CNBD1: variants seen among roughly 807,000 people sequenced by gnomAD.
The protein encoded by CNBD1 is cyclic nucleotide binding domain containing 1.
CNBD1 carries 71 observed loss-of-function variants against 54.4 expected under a neutral mutation model. That is an observed-to-expected ratio of 1.30 (90% CI 1.08 to 1.59). The LOEUF is 1.59. CNBD1 is among the 40% of genes most tolerant of loss of function. CNBD1 has a pLI of 0.00. For missense variants in CNBD1, 659 were observed against 518.0 expected (o/e 1.27, Z -2.64); for synonymous variants, 182 against 170.7 (o/e 1.07, Z -0.51).
chr8:87,252,214 G>A (rs937530879), intron 6 of CNBD1, among the ~76,000 whole-genome samples: 1 of 152,018 alleles, frequency 6.6e-6, no homozygotes, highest in Non-Finnish European at 1.5e-5. Context: ...AAAAGGAAAA[G>A]GCTTTTCCAT....
Position 87,021,192 on chromosome 8 carries a change from T to C in CNBD1, c.431+81438T>C, listed in dbSNP as rs144783068. On this transcript the variant is annotated intron_variant, in intron 4 of 10. Transcript: ENST00000518476. ...TCAAGACCTCCTGACGGCTATGTCA[T>C]GGGCCATGGTCACTCATATTTGGTT... Among the ~76,000 whole-genome samples the C allele has an allele frequency of 9.1e-3, 1,388 of 152,336 alleles. 21 individuals are homozygous for C. The highest frequency in any genetic ancestry group is 0.03 in the African/African-American group (1,247 of 41,574).
chr8:87,341,484 T>A (rs1307607372), intron 8 of CNBD1, among the ~76,000 whole-genome samples: 1 of 152,218 alleles, frequency 6.6e-6, no homozygotes, highest in Non-Finnish European at 1.5e-5. Context: ...AAGAGGGTAG[T>A]GTAAACTCTT....
At chr8:87,404,927 A>T (rs1277648080) in intron 2 of CNBD1, among the ~76,000 whole-genome samples, 1 of 152,072 alleles carries the variant, frequency 6.6e-6, no homozygotes, top group Non-Finnish European at 1.5e-5. Flanking sequence ...GTATGTACGT[A>T]TCTAGGCCTC....
intron 2 of CNBD1, among the ~76,000 whole-genome samples, chr8:87,396,002 C>G: frequency 6.6e-6 from 1 of 151,886 alleles, no homozygotes. Flanking sequence ...CCTCCCAGCC[C>G]TGAAGAACTG....
At chr8:87,352,980 T>C (rs907116365) in intron 9 of CNBD1, among the ~76,000 whole-genome samples, 4 of 152,146 alleles carry the variant, frequency 2.6e-5, no homozygotes, top group Admixed American at 6.6e-5. Flanking sequence ...CTTTTATATA[T>C]CTTAGTGGTC....
intron 8 of CNBD1, among the ~76,000 whole-genome samples, chr8:87,335,909 A>G (rs534586519): frequency 6.6e-6 from 1 of 152,262 alleles, no homozygotes; most frequent in East Asian, 1.9e-4. Flanking sequence ...GGTGGTGATG[A>G]ATTCCCTCAG....
chr8:86,940,387 G>A (rs1320492416), intron 4 of CNBD1, among the ~76,000 whole-genome samples: 2 of 152,164 alleles, frequency 1.3e-5, no homozygotes, highest in South Asian at 2.1e-4. Context: ...GGGTGGTCTC[G>A]AACTCCTGAC....
At position 87,390,835 on chromosome 8, in the gene CNBD1, C is replaced by A. The variant is rs183660413; in HGVS notation, c.213+37049C>A. ...TATTCACAATAGCAAAGACTTGGAACCAACCCAAATGTCCAACAATGATAG... is the reference window on the plus strand; with the variant it reads ...TATTCACAATAGCAAAGACTTGGAAACAACCCAAATGTCCAACAATGATAG... On this transcript the variant is annotated intron_variant, in intron 2 of 7. Transcript: ENST00000521593. Among the ~76,000 whole-genome samples, 459 of 152,210 alleles carry A rather than the reference C, an allele frequency of 3.0e-3. 5 individuals are homozygous for A. Among genetic ancestry groups the A allele is most frequent in the African/African-American group, 9.9e-3 (412 of 41,512 alleles).
intron 4 of CNBD1, among the ~76,000 whole-genome samples, chr8:86,945,325 C>T (rs753608926): frequency 3.3e-5 from 5 of 152,118 alleles, no homozygotes; most frequent in Admixed American, 1.3e-4. Flanking sequence ...AATGAGGCAT[C>T]TGAAGATCAT....
chr8:86,957,823 A>G (rs966439195), intron 4 of CNBD1, among the ~76,000 whole-genome samples: 2 of 151,792 alleles, frequency 1.3e-5, no homozygotes, highest in South Asian at 2.1e-4. Context: ...TTGTGTCTCT[A>G]TCTCCTTCAG....
At chr8:87,313,726 G>T (rs561255673) in intron 8 of CNBD1, among the ~76,000 whole-genome samples, 1 of 151,580 alleles carries the variant, frequency 6.6e-6, no homozygotes, top group South Asian at 2.1e-4. Flanking sequence ...GAAATATGCA[G>T]CCTTTTACAA....
intron 4 of CNBD1, among the ~76,000 whole-genome samples, chr8:87,133,685 C>G (rs944186452): frequency 3.4e-5 from 5 of 146,286 alleles, no homozygotes; most frequent in African/African-American, 1.0e-4. Flanking sequence ...GTTATACAAC[C>G]TCTTTTAAAG....
At chr8:87,400,902 T>A (rs768427219) in intron 2 of CNBD1, among the ~76,000 whole-genome samples, 10 of 152,022 alleles carry the variant, frequency 6.6e-5, no homozygotes, top group Non-Finnish European at 1.5e-4. Flanking sequence ...TCTTATTTAA[T>A]TAATTTATCT....
At chr8:87,317,814 T>C (rs1200444143) in intron 8 of CNBD1, among the ~76,000 whole-genome samples, 1 of 152,032 alleles carries the variant, frequency 6.6e-6, no homozygotes, top group Non-Finnish European at 1.5e-5. Flanking sequence ...CTGAGTACAC[T>C]CTAAATACAT....
At chr8:87,325,242 A>G in intron 8 of CNBD1, among the ~76,000 whole-genome samples, 1 of 95,176 alleles carries the variant, frequency 1.1e-5, no homozygotes, top group Non-Finnish European at 2.1e-5. Context: ...CAATTTTGGA[A>G]TAGGTGTGGT....
At position 87,342,813 on chromosome 8, in the gene CNBD1, A is replaced by G. The variant is rs571148310; in HGVS notation, c.1043-8872A>G. Among the ~76,000 whole-genome samples the G allele has an allele frequency of 5.9e-4, 90 of 152,252 alleles. 1 individual carries two copies. The highest frequency in any genetic ancestry group is 2.1e-3 in the African/African-American group (87 of 41,550). The stretch of plus-strand genomic sequence containing the variant: ...ATAAAGATCACAAGGCAAGGGCAAA[A>G]TTAGAATTACTGATGAGGGTCCATG... On this transcript the variant is annotated intron_variant, in intron 8 of 10. Transcript: ENST00000518476.
intron 8 of CNBD1, among the ~76,000 whole-genome samples, chr8:87,319,987 C>T (rs944497143): frequency 1.3e-5 from 2 of 151,966 alleles, no homozygotes; most frequent in Admixed American, 6.6e-5. Flanking sequence ...ATCTGAATTT[C>T]AAAAAGTATG....
At chr8:87,397,462 G>A (rs1349045681) in intron 2 of CNBD1, among the ~76,000 whole-genome samples, 1 of 151,912 alleles carries the variant, frequency 6.6e-6, no homozygotes, top group Non-Finnish European at 1.5e-5. Flanking sequence ...GCTGGGAAAT[G>A]TTGATGAAAT....
intron 2 of CNBD1, among the ~76,000 whole-genome samples, chr8:87,391,414 C>G (rs1811307073): frequency 6.6e-6 from 1 of 151,988 alleles, no homozygotes; most frequent in Non-Finnish European, 1.5e-5. Flanking sequence ...CAGAACAATC[C>G]TGAAAGAGAA....
Sources: gnomAD v4.1 joint callset for allele counts (sites outside exome capture counted in the v4.1 genomes callset) on GRCh38, gnomAD v4.1.1 for gene constraint, MANE v1.5 for transcripts, NCBI Gene and HGNC (gene_info 2026-07-23, HGNC 2026-07-21) for gene names.